Variants in TYW1 observed in about 807,000 individuals in gnomAD.
TYW1 encodes tRNA-yW synthesizing protein 1 homolog, also known as S-adenosyl-L-methionine-dependent tRNA 4-demethylwyosine synthase TYW1.
Under a neutral mutation model 96.2 loss-of-function variants are expected in TYW1, and 46 were observed. That is an observed-to-expected ratio of 0.48 (90% CI 0.38 to 0.61). TYW1 has a LOEUF of 0.61. Ranked by LOEUF, TYW1 falls within the 20% of genes least tolerant of loss-of-function variation. TYW1 has a pLI of 0.00. For synonymous variants in TYW1, 274 were observed against 323.0 expected, an observed-to-expected ratio of 0.85 and a Z score of 1.63; for missense variants, 684 against 909.6, an observed-to-expected ratio of 0.75 and a Z score of 3.19.
chr7:67,023,850 G>C (rs2129246256), intron 6 of TYW1, among the ~76,000 whole-genome samples: 1 of 152,248 alleles, frequency 6.6e-6, no homozygotes, highest in East Asian at 1.9e-4. Context: ...TTGGAGAAAG[G>C]GATGAAGGCT....
chr7:67,138,020 C>T (rs1399090341), intron 13 of TYW1, among the ~76,000 whole-genome samples: 4 of 152,160 alleles, frequency 2.6e-5, no homozygotes, highest in Middle Eastern at 3.2e-3. Flanking sequence ...AGGCCTTGTG[C>T]TCTTGTTAAT....
intron 15 of TYW1, among the ~76,000 whole-genome samples, chr7:67,197,053 G>A (rs1178231105): frequency 6.6e-5 from 10 of 152,316 alleles, no homozygotes; most frequent in Middle Eastern, 3.4e-3. Context: ...GAGATTATGC[G>A]TGGAGTCAGA....
In TYW1 at chr7:67,109,901, C is replaced by G. The variant is rs150129341; in HGVS notation, c.1563-7582C>G. Among the ~76,000 whole-genome samples, 470 of 152,088 alleles carry G rather than the reference C, an allele frequency of 3.1e-3. 1 individual carries two copies. Among genetic ancestry groups the G allele is most frequent in the African/African-American group, 0.011 (437 of 41,516 alleles). ...TTTCAAAAGAAAATAAAAAAGAAAA[C>G]CAGTAGCTCACAACCACAGTGAAAA... On this transcript the variant is annotated intron_variant, in intron 12 of 15. Transcript: ENST00000359626.
chr7:67,170,040 G>A (rs1392759488), intron 13 of TYW1, among the ~76,000 whole-genome samples: 2 of 152,116 alleles, frequency 1.3e-5, no homozygotes, highest in African/African-American at 4.8e-5. Flanking sequence ...CCTAATGCAA[G>A]GTGACAGAGA....
rs183322302 is a variant in TYW1 at position 67,089,847 on chromosome 7, A to T, written c.1384+6308A>T. Among the ~76,000 whole-genome samples, 532 of 152,280 alleles carry T rather than the reference A, an allele frequency of 3.5e-3. 6 individuals carry two copies. Among genetic ancestry groups the T allele is most frequent in the Admixed American group, 3.0e-3 (46 of 15,306 alleles). ...TTGCATTGATTAAAAGTGGGTCAGA[A>T]TTTCAGTGCCACTCAGCGTCTATTC... On this transcript the variant is annotated intron_variant, in intron 11 of 15. Coordinates refer to ENST00000359626, the MANE Select transcript of TYW1 (RefSeq NM_018264.4).
intron 13 of TYW1, among the ~76,000 whole-genome samples, chr7:67,133,729 T>C (rs1289682743): frequency 1.3e-5 from 2 of 149,042 alleles, no homozygotes; most frequent in East Asian, 1.9e-4. Context: ...TATTTTATAA[T>C]CCTCCCAGGA....
chr7:67,022,892 T>A (rs2129245767), intron 6 of TYW1, among the ~76,000 whole-genome samples: 2 of 152,258 alleles, frequency 1.3e-5, no homozygotes, highest in South Asian at 4.1e-4. Flanking sequence ...TCAGGCTTGG[T>A]TTCAAATAGG....
chr7:67,038,345 C>G (rs538806735), intron 7 of TYW1, among the ~76,000 whole-genome samples: 1 of 151,900 alleles, frequency 6.6e-6, no homozygotes, highest in African/African-American at 2.4e-5. Context: ...GTGGCTCATT[C>G]CTGTAATCCC....
intron 15 of TYW1, among the ~76,000 whole-genome samples, chr7:67,216,915 C>A (rs1801211929): frequency 6.6e-6 from 1 of 150,988 alleles, no homozygotes; most frequent in African/African-American, 2.4e-5. Context: ...GCATTTTATT[C>A]ATATGTAGTG....
intron 15 of TYW1, among the ~76,000 whole-genome samples, chr7:67,207,494 C>T (rs1265897253): frequency 6.6e-6 from 1 of 152,158 alleles, no homozygotes; most frequent in Non-Finnish European, 1.5e-5. Flanking sequence ...ATTCACCATA[C>T]CTTCCTTTTT....
At chr7:67,122,276 A>T (rs543624631) in intron 13 of TYW1, among the ~76,000 whole-genome samples, 1 of 152,296 alleles carries the variant, frequency 6.6e-6, no homozygotes, top group South Asian at 2.1e-4. Flanking sequence ...ATGTTAGGAT[A>T]CTCTGACCTG....
intron 13 of TYW1, among the ~76,000 whole-genome samples, chr7:67,177,881 C>T (rs1166572252): frequency 6.6e-5 from 10 of 150,658 alleles, no homozygotes; most frequent in Non-Finnish European, 1.3e-4. Flanking sequence ...CAGCTGGGCA[C>T]GTTGGCTCAT....
chr7:67,069,691 A>G (rs1335356082), intron 10 of TYW1, among the ~76,000 whole-genome samples: 1 of 152,188 alleles, frequency 6.6e-6, no homozygotes, highest in Non-Finnish European at 1.5e-5. Context: ...ATGAGCCTTG[A>G]TTGTGCCACT....
At chr7:67,135,455 C>G (rs1798221709) in intron 13 of TYW1, among the ~76,000 whole-genome samples, 1 of 151,804 alleles carries the variant, frequency 6.6e-6, no homozygotes, top group Non-Finnish European at 1.5e-5. Flanking sequence ...CAGGCACATG[C>G]CACCACACTG....
chr7:67,140,617 A>AT (rs556058617), intron 13 of TYW1, among the ~76,000 whole-genome samples: 39,393 of 151,912 alleles, frequency 0.26, 5,582 homozygotes, highest in African/African-American at 0.38. Flanking sequence ...ATAGATAAAA[A>AT]ATTAGTGAAG....
intron 13 of TYW1, among the ~76,000 whole-genome samples, chr7:67,172,586 A>AT (rs889341335): frequency 4.0e-5 from 6 of 151,370 alleles, no homozygotes; most frequent in East Asian, 1.9e-4. Context: ...ACGCCTGGCT[A>AT]TTTTTTTTGT....
intron 12 of TYW1, among the ~76,000 whole-genome samples, chr7:67,102,389 C>T (rs909963645): frequency 4.6e-5 from 7 of 152,136 alleles, no homozygotes; most frequent in Non-Finnish European, 7.4e-5. Flanking sequence ...ACAAGATGTT[C>T]GTACTAGCCT....
At chr7:67,215,220 C>T (rs1329758565) in intron 15 of TYW1, among the ~76,000 whole-genome samples, 5 of 151,058 alleles carry the variant, frequency 3.3e-5, no homozygotes, top group African/African-American at 1.2e-4. Flanking sequence ...CCTCTCTGGG[C>T]TCTTTTTGCA....
intron 7 of TYW1, among the ~76,000 whole-genome samples, chr7:67,026,024 C>A (rs1405532305): frequency 6.6e-6 from 1 of 152,120 alleles, no homozygotes; most frequent in Non-Finnish European, 1.5e-5. Context: ...AAAGAGAACA[C>A]CTCATTTAGA....
Sources: gnomAD v4.1 joint callset for allele counts (sites outside exome capture counted in the v4.1 genomes callset) on GRCh38, gnomAD v4.1.1 for gene constraint, MANE v1.5 for transcripts, NCBI Gene and HGNC (gene_info 2026-07-23, HGNC 2026-07-21) for gene names.